MYO15A: variants seen among roughly 807,000 people sequenced by gnomAD.
MYO15A encodes the protein unconventional myosin-XV.
Under a neutral mutation model 394.6 loss-of-function variants are expected in MYO15A, and 308 were observed. The observed-to-expected ratio is 0.78, with a 90% CI of 0.71 to 0.86. The LOEUF (loss-of-function observed/expected upper bound fraction) is 0.86. Ranked by LOEUF, MYO15A falls within the 40% of genes least tolerant of loss-of-function variation. The pLI, the probability that MYO15A is intolerant of heterozygous loss-of-function variation, is 0.00. For synonymous variants in MYO15A, 1,957 were observed against 2,003.8 expected (o/e 0.98, Z 0.62); for missense variants, 4,606 against 4,799.1 (o/e 0.96, Z 1.19).
In MYO15A at chr17:18,121,617, A is replaced by AC; in HGVS notation, c.2820dup (p.Ser941LeufsTer39). 8 of 922,204 alleles carry AC rather than the reference A, an allele frequency of 8.7e-6. No individual in the cohort carries two copies. Among genetic ancestry groups the AC allele is most frequent in the South Asian group, 3.0e-5 (2 of 66,502 alleles). The allele number at this position is 922,204 out of a possible 1,614,324, so 57.1% of individuals were successfully genotyped here. On this transcript the variant is annotated frameshift_variant, in exon 2 of 66. Coordinates refer to ENST00000647165, the MANE Select transcript of MYO15A (RefSeq NM_016239.4). LOFTEE classifies it high-confidence loss of function. This position sits in a 1 kb window ranked among gnomAD's most constrained non-coding sequence, Gnocchi z 5.3. ...TGGACATGCCTCCCACCCAACGCCC[A>AC]CCCTCCCCCTGGCCAGGAGGTGCAG...
chr17:18,142,276 ATTCCT>A, intron 24 of MYO15A, 22 bp downstream of exon 24: 1 of 1,607,674 alleles, frequency 6.2e-7, no homozygotes, highest in Non-Finnish European at 8.5e-7. Context: ...AAAAGGCAGG[ATTCCT>A]AGGAGACCTA....
chr17:18,137,000 C>T (rs2046291550), intron 15 of MYO15A, among the ~76,000 whole-genome samples: 1 of 152,222 alleles, frequency 6.6e-6, no homozygotes, highest in African/African-American at 2.4e-5. Context: ...GGATGAGACA[C>T]TCCTGAGACC....
At position 18,121,597 on chromosome 17, in the gene MYO15A, A is replaced by G; in HGVS notation, c.2797A>G (p.Met933Val). ...PPLAPSWDVD[M>V]PPTQRPPSPW... ...ACTGGCCCCCAGCTGGGACGTGGAC[A>G]TGCCTCCCACCCAACGCCCACCCTC... The change falls in exon 2 of 66, where the codon ATG (methionine) becomes GTG (valine). Residue 933 changes from methionine (M) to valine (V), a missense_variant. Physicochemically the swap from Met to Val is conservative, Grantham distance 21. Transcript: ENST00000647165. The surrounding 1 kb of genome is among the most constrained non-coding windows in gnomAD (Gnocchi z 5.3). 1 of 1,598,984 alleles carries G rather than the reference A, an allele frequency of 6.3e-7. No individual in the cohort carries two copies. The highest frequency in any genetic ancestry group is 8.5e-7 in the Non-Finnish European group (1 of 1,172,326).
chr17:18,174,373 G>A (rs1201038475), intron 65 of MYO15A, among the ~76,000 whole-genome samples: 1 of 152,152 alleles, frequency 6.6e-6, no homozygotes, highest in African/African-American at 2.4e-5. Flanking sequence ...TGTAATCCCA[G>A]CACTTTGGAA....
At chr17:18,159,018 G>T in intron 53 of MYO15A, 21 bp downstream of exon 53, 1 of 1,612,366 alleles carries the variant, frequency 6.2e-7, no homozygotes, top group African/African-American at 1.3e-5. Context: ...CCGGACCTCA[G>T]TTTCCCCATC....
chr17:18,117,791 G>T lies in MYO15A; in HGVS notation c.-219-791G>T, dbSNP rs559816854. On this transcript the variant is annotated intron_variant, in intron 1 of 65. Coordinates refer to ENST00000647165, the MANE Select transcript of MYO15A (RefSeq NM_016239.4). This position sits in a 1 kb window ranked among gnomAD's most constrained non-coding sequence, Gnocchi z 4.1. ...ACATGGCCACAGCCTACTCAGCCAG[G>T]GCAGAAAGTAAGAGGAGAGGACAGG... Among the ~76,000 whole-genome samples the T allele has an allele frequency of 9.7e-4, 147 of 152,298 alleles. 1 individual carries two copies. Among genetic ancestry groups the T allele is most frequent in the African/African-American group, 3.2e-3 (135 of 41,544 alleles).
At chr17:18,159,219 C>T (rs1395882122) in intron 53 of MYO15A, 56 bp from the exon 54 acceptor site, 1 of 1,590,276 alleles carries the variant, frequency 6.3e-7, no homozygotes, top group African/African-American at 1.3e-5. Context: ...CAATGTGTCC[C>T]CTTTCTGTTC....
At chr17:18,174,024 C>T (rs2046979956) in intron 65 of MYO15A, 103 bp downstream of exon 65, 2 of 1,475,238 alleles carry the variant, frequency 1.4e-6, no homozygotes, top group Non-Finnish European at 9.1e-7. Flanking sequence ...GTATCCAGGC[C>T]AGTGCATGGG....
chr17:18,141,887 T>C (rs1226860243), intron 23 of MYO15A, 117 bp downstream of exon 23: 21 of 1,255,376 alleles, frequency 1.7e-5, no homozygotes, highest in Non-Finnish European at 2.2e-5. Flanking sequence ...CAGATGAGCT[T>C]GGGATATGGA....
Position 18,156,264 on chromosome 17 carries a change from G to C in MYO15A, c.8529G>C (p.Lys2843Asn). The C allele has an allele frequency of 6.2e-7, 1 of 1,614,192 alleles. No homozygotes were observed. The highest frequency in any genetic ancestry group is 8.5e-7 in the Non-Finnish European group (1 of 1,180,024). Residue 2843 changes from lysine to asparagine, a missense_variant, in exon 48 of 66, where the codon AAG becomes AAC. By Grantham distance (94) the Lys-to-Asn change is moderately conservative. Transcript: ENST00000647165. ...NMLEFNLASE[K>N]VILFSARAHQ... Reference sequence around the variant, plus strand: ...TGGAGTTCAACCTGGCCAGTGAGAAGGTCATCCTCTTCTCAGCCCGAGCGC... The same window carrying C: ...TGGAGTTCAACCTGGCCAGTGAGAACGTCATCCTCTTCTCAGCCCGAGCGC...
chr17:18,161,241 A>G (rs984201409), intron 56 of MYO15A, 76 bp from the exon 57 acceptor site: 6 of 1,567,682 alleles, frequency 3.8e-6, no homozygotes, highest in Admixed American at 1.8e-5. Context: ...AATCTGTCTC[A>G]GCTCAATCCC....
intron 64 of MYO15A, 87 bp downstream of exon 64, chr17:18,172,377 C>G (rs543961963): frequency 6.3e-7 from 1 of 1,584,836 alleles, no homozygotes; most frequent in Admixed American, 1.7e-5. Flanking sequence ...CTCCAGCCGC[C>G]GAAGCCCAGT....
rs2045873838 is a variant in MYO15A at position 18,119,798 on chromosome 17, A to G, written c.998A>G (p.Glu333Gly). The change falls in exon 2 of 66, where the codon GAG becomes GGG. Residue 333 changes from glutamate (E) to glycine (G), a missense_variant. Physicochemically the swap from Glu to Gly is moderately conservative, Grantham distance 98 (BLOSUM62 -2). Around this residue, in one of 2 missense-constraint regions of MYO15A, gnomAD observed 1,830 missense variants for 1,689.7 expected, o/e 1.08. Coordinates refer to ENST00000647165, the MANE Select transcript of MYO15A (RefSeq NM_016239.4). ...CCTTACAGCTACCACGATGGGTACG[A>G]GGGCGAGGCGCACCCTTATGGCTAC... ...SSPYSYHDGYEGEAHPYGYYL... is the reference protein window; with the variant it reads ...SSPYSYHDGYGGEAHPYGYYL... 6.2e-7 allele frequency: 1 copy of G among 1,613,082 alleles called. No homozygotes were observed. The highest frequency in any genetic ancestry group is 1.3e-5 in the African/African-American group (1 of 75,016).
rs970481026 is a variant in MYO15A, at chr17:18,173,819, G to C, written c.10389G>C (p.Ser3463=). The change falls in exon 65 of 66, where the codon TCG becomes TCC. Residue 3463 remains serine, a synonymous_variant. Transcript: ENST00000647165. The part of the protein sequence containing the change: ...MVKFPLKEIQ[S]TRTQRPTANS... ...AGTTCCCCCTGAAGGAGATCCAGTC[G>C]ACGCGGACCCAGCGGCCCACGGCCA... 1 of 1,614,014 alleles carries C rather than the reference G, an allele frequency of 6.2e-7. No homozygotes were observed. The highest frequency in any genetic ancestry group is 8.5e-7 in the Non-Finnish European group (1 of 1,180,038).
In MYO15A at chr17:18,139,628, A is replaced by G. The variant is rs759586924; in HGVS notation, c.5211+17A>G. 6.2e-7 allele frequency: 1 copy of G among 1,613,082 alleles called. No homozygotes were observed. Among genetic ancestry groups the G allele is most frequent in the South Asian group, 1.1e-5 (1 of 90,860 alleles). On this transcript the variant is annotated intron_variant, in intron 19 of 65. Transcript: ENST00000647165. ...CGGACACGGGTAAGCCTCGCCTCCC[A>G]CCGCTCTGGCCCTGCCCCCAGGCAT...
chr17:18,148,203 C>T lies in MYO15A; in HGVS notation c.6684C>T (p.Cys2228=). 1.2e-6 allele frequency: 2 copies of T among 1,613,650 alleles called. No individual in the cohort carries two copies. The highest frequency in any genetic ancestry group is 1.7e-6 in the Non-Finnish European group (2 of 1,180,034). Residue 2228 remains cysteine, a synonymous_variant, in exon 31 of 66, where the codon TGC becomes TGT. Coordinates refer to ENST00000647165, the MANE Select transcript of MYO15A (RefSeq NM_016239.4). This position sits in a 1 kb window ranked among gnomAD's most constrained non-coding sequence, Gnocchi z 4.8. ...CCAGCATGGCGCTGGACGTGGGCTG[C>T]TTCAATGGTAAGCTGCCTTCCCCCA... The part of the protein sequence containing the change: ...EKASMALDVG[C]FNGDQFSCPV...
rs1182500584 is a variant in MYO15A, at chr17:18,175,292, C to CTTTTTTTTTTTTTTTTTTTTTTTTTTTTT, written c.10491+1387_10491+1388insTTTTTTTTTTTTTTTTTTTTTTTTTTTTT. Among the ~76,000 whole-genome samples the CTTTTTTTTTTTTTTTTTTTTTTTTTTTTT allele has an allele frequency of 2.2e-5, 2 of 91,288 alleles. 1 individual carries two copies. The highest frequency in any genetic ancestry group is 4.5e-5 in the Non-Finnish European group (2 of 44,442). The allele number at this position is 91,288 out of a possible 152,430, so 59.9% of individuals were successfully genotyped here. A position where few individuals can be genotyped will look rare whatever the true frequency, so the allele number is the denominator to read the frequency against. ...TCTGGTCTTTCCTCCTCTAGACTAT[C>CTTTTTTTTTTTTTTTTTTTTTTTTTTTTT]TTTTTTTTTTTTTTTTGAGGCAAAG... On this transcript the variant is annotated intron_variant, in intron 65 of 65. Coordinates refer to ENST00000647165, the MANE Select transcript of MYO15A (RefSeq NM_016239.4).
At chr17:18,174,031 TG>T (rs2046980107) in intron 65 of MYO15A, 110 bp downstream of exon 65, 2 of 1,453,174 alleles carry the variant, frequency 1.4e-6, no homozygotes, top group East Asian at 5.0e-5. Flanking sequence ...GGCCAGTGCA[TG>T]GGACAGAACC....
At position 18,130,866 on chromosome 17, in the gene MYO15A, GTGTGTC is replaced by G. The variant is rs1411207351; in HGVS notation, c.4038+60_4038+65del. ...TGTGTGTGTGTGTGTGTGTGTGTGT[GTGTGTC>G]TGTCCAGGAAAATGCGTGTGGATGT... On this transcript the variant is annotated intron_variant, in intron 8 of 65. Transcript: ENST00000647165. 1.1e-3 allele frequency: 1,598 copies of G among 1,476,438 alleles called. 1 individual carries two copies. The highest frequency in any genetic ancestry group is 1.3e-3 in the Non-Finnish European group (1,408 of 1,075,578). 91.5% of individuals were successfully genotyped at this position (1,476,438 alleles called of 1,614,324 possible).
Sources: gnomAD v4.1 joint callset for allele counts (sites outside exome capture counted in the v4.1 genomes callset) on GRCh38, gnomAD v4.1.1 for gene constraint, gnomAD v4.1.1 regional missense constraint, Gnocchi (gnomAD v3.1) non-coding constraint, MANE v1.5 for transcripts, NCBI Gene and HGNC (gene_info 2026-07-23, HGNC 2026-07-21) for gene names.